Variants in TLK1 observed in about 807,000 individuals in gnomAD.
TLK1 encodes serine/threonine-protein kinase tousled-like 1.
A neutral mutation model predicts 105.3 loss-of-function variants in TLK1; 24 were observed. The ratio of observed to expected loss-of-function variants is 0.23; its 90% CI spans 0.17 to 0.32. The LOEUF is 0.32. Among genes scored for constraint, TLK1 ranks in the 10% least tolerant of loss-of-function variants. The probability of loss-of-function intolerance (pLI) is 1.00; values close to 1 mark genes in which losing one functional copy is unlikely to be tolerated. For synonymous variants in TLK1, 321 were observed against 310.4 expected (o/e 1.03, Z -0.36); for missense variants, 558 against 910.5 (o/e 0.61, Z 4.98).
At chr2:171,212,175 C>T (rs1033762616) in intron 1 of TLK1, among the ~76,000 whole-genome samples, 21 of 152,038 alleles carry the variant, frequency 1.4e-4, no homozygotes, top group African/African-American at 4.4e-4. Flanking sequence ...CAAGCCTTTC[C>T]GGACCTCCAG....
chr2:171,093,201 G>A (rs1189506485), intron 2 of TLK1, among the ~76,000 whole-genome samples: 2 of 152,188 alleles, frequency 1.3e-5, no homozygotes, highest in Non-Finnish European at 2.9e-5. Flanking sequence ...TAAGTGCTGA[G>A]ACCATTAAAA....
intron 1 of TLK1, among the ~76,000 whole-genome samples, chr2:171,140,918 A>G (rs1691546974): frequency 6.6e-6 from 1 of 152,252 alleles, no homozygotes; most frequent in Admixed American, 6.5e-5. Flanking sequence ...CTGAAACTAA[A>G]GAGAATAAAA....
intron 12 of TLK1, chr2:171,023,279 C>T (rs1233238910): frequency 2.3e-6 from 1 of 442,304 alleles, no homozygotes; most frequent in Non-Finnish European, 4.6e-6. Context: ...CTGATTCCTT[C>T]GGTCTGCAAA....
At chr2:171,221,302 CA>C (rs1693806241) in intron 1 of TLK1, among the ~76,000 whole-genome samples, 1 of 151,940 alleles carries the variant, frequency 6.6e-6, no homozygotes, top group African/African-American at 2.4e-5. Context: ...GCGTAAGGAA[CA>C]AAAAAATGAA....
At chr2:171,115,291 C>T (rs1456505168) in intron 2 of TLK1, among the ~76,000 whole-genome samples, 1 of 151,552 alleles carries the variant, frequency 6.6e-6, no homozygotes, top group East Asian at 1.9e-4. Flanking sequence ...CCTGCCTCAG[C>T]CTCCCGAGTA....
At chr2:171,136,819 C>A (rs1691346281) in intron 1 of TLK1, among the ~76,000 whole-genome samples, 1 of 152,128 alleles carries the variant, frequency 6.6e-6, no homozygotes, top group Non-Finnish European at 1.5e-5. Flanking sequence ...TTACTCTATA[C>A]AAGGACGGGC....
rs1181402965 is a variant in TLK1, at chr2:171,109,274, C to A, written c.258+8465G>T. Among the ~76,000 whole-genome samples the A allele has an allele frequency of 2.0e-5, 3 of 152,138 alleles. No individual in the cohort carries two copies. In the East Asian group the frequency reaches 5.8e-4, roughly 29 times the overall value. On this transcript the variant is annotated intron_variant, in intron 2 of 20. Coordinates refer to ENST00000431350, the MANE Select transcript of TLK1 (RefSeq NM_012290.5). ...TGATGTCATACAAACTACTTTCCAA[C>A]TGTAATGCAACAGATTGAAAATCCA... is the stretch of plus-strand genomic sequence containing the variant.
At chr2:171,148,890 A>AAAAAATATAT (rs1445171800) in intron 1 of TLK1, among the ~76,000 whole-genome samples, 22 of 138,458 alleles carry the variant, frequency 1.6e-4, no homozygotes, top group African/African-American at 5.4e-4. Flanking sequence ...AAAAAAAAAA[A>AAAAAATATAT]ATATATATAT....
intron 1 of TLK1, among the ~76,000 whole-genome samples, chr2:171,197,136 C>A (rs138745869): frequency 4.3e-4 from 65 of 152,016 alleles, no homozygotes; most frequent in African/African-American, 1.4e-3. Flanking sequence ...ATTATTGCAA[C>A]AGTGTTATGT....
At chr2:171,104,487 G>T (rs1399870036) in intron 2 of TLK1, among the ~76,000 whole-genome samples, 5 of 152,190 alleles carry the variant, frequency 3.3e-5, no homozygotes, top group Middle Eastern at 3.4e-3. Context: ...TACCAAAAGT[G>T]ATCTACAGAT....
Position 171,186,101 on chromosome 2 carries a change from G to A in TLK1, c.-6+45044C>T, listed in dbSNP as rs989012683. 4.6e-5 allele frequency among the ~76,000 whole-genome samples: 7 copies of A among 152,128 alleles called. No individual in the cohort carries two copies. In the East Asian group the frequency reaches 5.8e-4, roughly 13 times the overall value. On this transcript the variant is annotated intron_variant, in intron 1 of 20. Coordinates refer to the TLK1 transcript ENST00000521943. ...CTTCCAAAGGAAGAAACTTTCCTCC[G>A]TTGAACAAATTCAAAAGAATATGAC...
intron 1 of TLK1, among the ~76,000 whole-genome samples, chr2:171,220,733 G>A (rs916195401): frequency 6.0e-5 from 9 of 150,764 alleles, no homozygotes; most frequent in African/African-American, 2.2e-4. Flanking sequence ...TTTTTTTTGA[G>A]TCATTAAGTT....
At chr2:171,066,910 T>C (rs1446183335) in intron 3 of TLK1, 14 of 1,548,832 alleles carry the variant, frequency 9.0e-6, no homozygotes, top group Non-Finnish European at 1.1e-5. Context: ...AGGGTGGGGG[T>C]TGGGAAGTAA....
chr2:171,091,496 T>C (rs1689228302), intron 2 of TLK1: 1 of 152,192 alleles, frequency 6.6e-6, no homozygotes, highest in South Asian at 2.1e-4. Context: ...AGCAACATAG[T>C]TTCTTTTTAG....
chr2:171,165,779 C>T (rs1462937214), upstream of TLK1, among the ~76,000 whole-genome samples: 19 of 151,764 alleles, frequency 1.3e-4, no homozygotes, highest in South Asian at 2.1e-4. Flanking sequence ...GGCATGGTGG[C>T]GCACACCTGT....
intron 1 of TLK1, among the ~76,000 whole-genome samples, chr2:171,166,961 T>G (rs1359389276): frequency 6.6e-6 from 1 of 152,238 alleles, no homozygotes; most frequent in East Asian, 1.9e-4. Context: ...TCAGTTTGAT[T>G]CCTTCTCAAA....
At chr2:171,064,293 T>C (rs1288326153) in intron 3 of TLK1, among the ~76,000 whole-genome samples, 2 of 152,108 alleles carry the variant, frequency 1.3e-5, no homozygotes, top group Non-Finnish European at 2.9e-5. Context: ...CAGAGACATA[T>C]CCTATGTTAC....
At chr2:171,015,693 AC>A (rs1444609710) in intron 12 of TLK1, among the ~76,000 whole-genome samples, 73 of 3,612 alleles carry the variant, frequency 0.02, no homozygotes, top group African/African-American at 0.032. Flanking sequence ...ATTCATACAC[AC>A]ACACATATAC....
At chr2:171,115,453 G>A (rs1189527854) in intron 2 of TLK1, among the ~76,000 whole-genome samples, 3 of 152,176 alleles carry the variant, frequency 2.0e-5, no homozygotes, top group Middle Eastern at 3.4e-3. Flanking sequence ...GATTACAGGC[G>A]TGAGCAACCG....
Sources: gnomAD v4.1 joint callset for allele counts (sites outside exome capture counted in the v4.1 genomes callset) on GRCh38, gnomAD v4.1.1 for gene constraint, MANE v1.5 for transcripts, NCBI Gene and HGNC (gene_info 2026-07-23, HGNC 2026-07-21) for gene names.